PBXIP1: variants seen among roughly 807,000 people sequenced by gnomAD.
The protein encoded by PBXIP1 is PBX homeobox interacting protein 1, also known as pre-B-cell leukemia transcription factor-interacting protein 1.
Under a neutral mutation model 73.7 loss-of-function variants are expected in PBXIP1, and 73 were observed. The ratio of observed to expected loss-of-function variants is 0.99; its 90% CI spans 0.82 to 1.20. PBXIP1 has a LOEUF of 1.20. PBXIP1 is among the 50% of genes most tolerant of loss of function. The probability of loss-of-function intolerance (pLI) is 0.00; values close to 1 mark genes in which losing one functional copy is unlikely to be tolerated. For synonymous variants in PBXIP1, 330 were observed against 366.9 expected (o/e 0.90, Z 1.15); for missense variants, 818 against 911.4 (o/e 0.90, Z 1.32).
Position 154,944,818 on chromosome 1 carries a change from G to A in PBXIP1, c.*206C>T. 2 of 533,554 alleles carry A rather than the reference G, an allele frequency of 3.7e-6. No individual in the cohort carries two copies. Among genetic ancestry groups the A allele is most frequent in the Non-Finnish European group, 6.7e-6 (2 of 297,424 alleles). The allele number at this position is 533,554 out of a possible 1,614,324, so 33.1% of individuals were successfully genotyped here. ...ATCCCAGGGCCTGGAGTATTTGCAT[G>A]CATTTGCATAGACGGCAACGCAGGT... On this transcript the variant is annotated 3_prime_UTR_variant, in exon 11 of 11. Coordinates refer to ENST00000368463, the MANE Select transcript of PBXIP1 (RefSeq NM_020524.4).
Position 154,946,322 on chromosome 1 carries a change from C to A in PBXIP1, c.1352G>T (p.Gly451Val), listed in dbSNP as rs148829554. The A allele has an allele frequency of 1.4e-4, 225 of 1,614,046 alleles. No individual in the cohort carries two copies. Among genetic ancestry groups the A allele is most frequent in the Non-Finnish European group, 1.7e-4 (206 of 1,180,036 alleles). ...QGLENWGQDP[G>V]VSANASKAWH... ...GGCCTTTGAGGCATTGGCAGAGACCCCAGGGTCCTGGCCCCAGTTCTCCAG... is the reference window on the plus strand; with the variant it reads ...GGCCTTTGAGGCATTGGCAGAGACCACAGGGTCCTGGCCCCAGTTCTCCAG... The change falls in exon 10 of 11, where the codon GGG becomes GTG. Residue 451 changes from glycine to valine, a missense_variant. Physicochemically the swap from Gly to Val is moderately radical, Grantham distance 109 (BLOSUM62 -3). Transcript: ENST00000368463.
rs1571400635 is a variant in PBXIP1, at chr1:154,951,469, A to C, written c.243+2T>G. ...CTTCCTTCCCACAGCAAATCTCCTC[A>C]CCTTGACCTCAGTCTCCTCTGTTAG... is the stretch of plus-strand genomic sequence containing the variant. On this transcript the variant is annotated splice_donor_variant, in intron 4 of 10. Coordinates refer to ENST00000368463, the MANE Select transcript of PBXIP1 (RefSeq NM_020524.4). LOFTEE classifies it high-confidence loss of function. The surrounding 1 kb of genome is among the most constrained non-coding windows in gnomAD (Gnocchi z 4.3). 1.2e-6 allele frequency: 2 copies of C among 1,613,516 alleles called. No individual in the cohort carries two copies. Among genetic ancestry groups the C allele is most frequent in the Non-Finnish European group, 1.7e-6 (2 of 1,179,788 alleles).
intron 9 of PBXIP1, 48 bp from the exon 10 acceptor site, chr1:154,946,851 G>A: frequency 1.3e-6 from 2 of 1,496,522 alleles, no homozygotes; most frequent in Non-Finnish European, 1.8e-6. Context: ...TTCTTGTCAG[G>A]ATAGCCCCAA....
At position 154,946,589 on chromosome 1, in the gene PBXIP1, CCCTGTGGG is replaced by C. The variant is rs1438673610; in HGVS notation, c.1077_1084del (p.Pro360Ter). On this transcript the variant is annotated frameshift_variant, in exon 10 of 11. Transcript: ENST00000368463. LOFTEE classifies it high-confidence loss of function. ...GCCTTGCTCCCTGATGGCCTTGTCA[CCCTGTGGG>C]CCTCTACCCCCACTGAGGCACACCC... 6.2e-7 allele frequency: 1 copy of C among 1,613,100 alleles called. No individual in the cohort carries two copies. Among genetic ancestry groups the C allele is most frequent in the African/African-American group, 1.3e-5 (1 of 75,068 alleles).
chr1:154,948,474 ACCCCAGAG>A, intron 5 of PBXIP1, 108 bp from the exon 6 acceptor site: 1 of 770,566 alleles, frequency 1.3e-6, no homozygotes, highest in South Asian at 1.8e-5. Context: ...GTCAGCCCTG[ACCCCAGAG>A]AGGGGCACAT....
In PBXIP1 at chr1:154,946,220, C is replaced by T. The variant is rs768808417; in HGVS notation, c.1454G>A (p.Arg485Gln). The T allele has an allele frequency of 5.6e-6, 9 of 1,614,006 alleles. No individual in the cohort carries two copies. Among genetic ancestry groups the T allele is most frequent in the Non-Finnish European group, 6.8e-6 (8 of 1,180,030 alleles). The change falls in exon 10 of 11, where the codon CGG becomes CAG. Residue 485 changes from arginine (R) to glutamine (Q), a missense_variant. Transcript: ENST00000368463. ...KEKWWDGQRD[R>Q]KAEHWKHKKE... ...CTTATGTTTCCAGTGCTCAGCCTTC[C>T]GGTCTCTCTGCCCATCCCACCACTT...
At chr1:154,952,707 A>T (rs1274540621) in intron 2 of PBXIP1, among the ~76,000 whole-genome samples, 2 of 152,214 alleles carry the variant, frequency 1.3e-5, no homozygotes, top group African/African-American at 2.4e-5. Context: ...GAGAGGACAG[A>T]GAGGTGAAAT....
intron 5 of PBXIP1, among the ~76,000 whole-genome samples, chr1:154,949,864 G>A (rs1654950722): frequency 1.3e-5 from 2 of 151,984 alleles, no homozygotes; most frequent in African/African-American, 4.8e-5. Context: ...TTCCTTTTGG[G>A]GGAGGATGCT....
intron 10 of PBXIP1, 27 bp downstream of exon 10, chr1:154,945,545 C>A: frequency 6.3e-7 from 1 of 1,598,388 alleles, no homozygotes; most frequent in South Asian, 1.1e-5. Context: ...CTGTCCCACC[C>A]GACCCAACTC....
intron 5 of PBXIP1, 41 bp from the exon 6 acceptor site, chr1:154,948,407 G>A (rs758304419): frequency 1.5e-6 from 2 of 1,369,636 alleles, no homozygotes; most frequent in African/African-American, 1.4e-5. Flanking sequence ...GGTGACTGGA[G>A]AGATGGGGAG....
intron 2 of PBXIP1, 46 bp downstream of exon 2, chr1:154,953,625 C>T: frequency 3.8e-6 from 5 of 1,327,710 alleles, no homozygotes; most frequent in Non-Finnish European, 5.4e-6. Context: ...ACTGCAGAAA[C>T]ACCCCCCAAC....
chr1:154,947,326 A>G, intron 9 of PBXIP1, 91 bp downstream of exon 9: 1 of 1,472,120 alleles, frequency 6.8e-7, no homozygotes, highest in Non-Finnish European at 9.5e-7. Flanking sequence ...TGTGTGGGTA[A>G]ATAGGAAACA....
chr1:154,953,717 G>T lies in PBXIP1; in HGVS notation c.5C>A (p.Ala2Asp). Residue 2 changes from alanine (A) to aspartate (D), a missense_variant, in exon 2 of 11, where the codon GCC (alanine) becomes GAC (aspartate). Physicochemically the swap from Ala to Asp is moderately radical, Grantham distance 126 (BLOSUM62 -2). Coordinates refer to ENST00000368463, the MANE Select transcript of PBXIP1 (RefSeq NM_020524.4). ...GCTATTATCAGAGTCTGGGCAGGAG[G>T]CCATAGTTGCTGAGGTCCCTGAGGC... MASCPDSDNSWV... is the reference protein window; with the variant it reads MDSCPDSDNSWV... 6.2e-7 allele frequency: 1 copy of T among 1,613,440 alleles called. No homozygotes were observed. Among genetic ancestry groups the T allele is most frequent in the Non-Finnish European group, 8.5e-7 (1 of 1,179,628 alleles).
At position 154,946,705 on chromosome 1, in the gene PBXIP1, G is replaced by A; in HGVS notation, c.969C>T (p.Phe323=). 1 of 1,611,882 alleles carries A rather than the reference G, an allele frequency of 6.2e-7. No homozygotes were observed. The highest frequency in any genetic ancestry group is 8.5e-7 in the Non-Finnish European group (1 of 1,178,470). Residue 323 remains phenylalanine, a synonymous_variant, in exon 10 of 11, where the codon TTC becomes TTT. Coordinates refer to ENST00000368463, the MANE Select transcript of PBXIP1 (RefSeq NM_020524.4). ...GCAGCTCTGACTCCAGAGCCCGCTG[G>A]AAGGCTTCGCCCTGCTGCAGAGCCC... is the stretch of plus-strand genomic sequence containing the variant. ...LRGALQQGEA[F]QRALESELQQ...
In PBXIP1 at chr1:154,945,101, T is replaced by C. The variant is rs1654756424; in HGVS notation, c.2119A>G (p.Lys707Glu). 6.2e-7 allele frequency: 1 copy of C among 1,613,804 alleles called. No homozygotes were observed. The highest frequency in any genetic ancestry group is 8.5e-7 in the Non-Finnish European group (1 of 1,179,782). Residue 707 changes from lysine to glutamate, a missense_variant, in exon 11 of 11, where the codon AAG (lysine) becomes GAG (glutamate). Lys to Glu is a moderately conservative substitution (Grantham distance 56). Transcript: ENST00000368463. ...GCAGCTCTTGGGCTCTGTGAGTGCT[T>C]GTCCTTCTTCCCTGACCTGTGGGGA... ...ALKKRSGKKD[K>E]HSQSPRAAGP...
Position 154,951,959 on chromosome 1 carries a change from G to A in PBXIP1, c.52-38C>T. 1 of 1,577,294 alleles carries A rather than the reference G, an allele frequency of 6.3e-7. No homozygotes were observed. The highest frequency in any genetic ancestry group is 2.2e-5 in the East Asian group (1 of 44,536). On this transcript the variant is annotated intron_variant, in intron 2 of 10. Transcript: ENST00000368463. The surrounding 1 kb of genome is among the most constrained non-coding windows in gnomAD (Gnocchi z 4.3). Reference sequence around the variant, plus strand: ...GTGCAAGGAGAAGGGCTGCACCCAAGAATGGGGCCCCAGCCCACATCCCAG... The same window carrying A: ...GTGCAAGGAGAAGGGCTGCACCCAAAAATGGGGCCCCAGCCCACATCCCAG...
At chr1:154,952,053 C>A in intron 2 of PBXIP1, 132 bp from the exon 3 acceptor site, 1 of 911,974 alleles carries the variant, frequency 1.1e-6, no homozygotes, top group East Asian at 2.7e-5. Context: ...CTCGGCATTC[C>A]CCAGCCTCAC....
At chr1:154,955,534 C>T (rs976208201) in intron 1 of PBXIP1, among the ~76,000 whole-genome samples, 1 of 152,184 alleles carries the variant, frequency 6.6e-6, no homozygotes, top group African/African-American at 2.4e-5. Flanking sequence ...GTTAGGTTAA[C>T]CCAGGGTTCA....
chr1:154,953,545 C>T, intron 2 of PBXIP1, 126 bp downstream of exon 2: 1 of 636,228 alleles, frequency 1.6e-6, no homozygotes, highest in South Asian at 1.8e-5. Context: ...ATTCCTCTAA[C>T]AGCCAGCAGG....
Sources: allele counts gnomAD v4.1 joint callset (sites outside exome capture counted in the v4.1 genomes callset), GRCh38; gene constraint gnomAD v4.1.1; non-coding constraint Gnocchi (gnomAD v3.1); transcripts MANE v1.5; gene names NCBI Gene and HGNC (gene_info 2026-07-23, HGNC 2026-07-21).